Variants in MYO5C observed in about 807,000 individuals in gnomAD.
MYO5C encodes the protein unconventional myosin-Vc.
Under a neutral mutation model 235.7 loss-of-function variants are expected in MYO5C, and 194 were observed. That is an observed-to-expected ratio of 0.82 (90% CI 0.73 to 0.93). The LOEUF (loss-of-function observed/expected upper bound fraction) is 0.93. Ranked by LOEUF, MYO5C falls within the 40% of genes least tolerant of loss-of-function variation. The pLI is 0.00. For missense variants in MYO5C, 2,038 were observed against 2,127.2 expected (o/e 0.96, Z 0.82); for synonymous variants, 707 against 754.8 (o/e 0.94, Z 1.04).
chr15:52,253,327 T>G lies in MYO5C; in HGVS notation c.1526A>C (p.Glu509Ala). 6.2e-7 allele frequency: 1 copy of G among 1,606,560 alleles called. No individual in the cohort carries two copies. Among genetic ancestry groups the G allele is most frequent in the Non-Finnish European group, 8.5e-7 (1 of 1,177,626 alleles). ...AKMGILELLD[E>A]ECLLPHGTDE... ...ATTCTTAAAAGTTACCAAACATTCT[T>G]CATCCAGTAACTCCAGAATTCCCAT... The change falls in exon 12 of 41, where the codon GAA becomes GCA. Residue 509 changes from glutamate to alanine, a missense_variant. Glu to Ala is a moderately radical substitution (Grantham distance 107). Coordinates refer to ENST00000261839, the MANE Select transcript of MYO5C (RefSeq NM_018728.4).
intron 11 of MYO5C, 147 bp downstream of exon 11, chr15:52,256,492 C>G (rs1806163201): frequency 1.7e-6 from 1 of 594,532 alleles, no homozygotes; most frequent in African/African-American, 1.8e-5. Flanking sequence ...CAAGGTGGTG[C>G]AGTGACCCAG....
intron 38 of MYO5C, among the ~76,000 whole-genome samples, chr15:52,198,056 G>C (rs1258279441): frequency 2.0e-5 from 3 of 152,192 alleles, no homozygotes; most frequent in Non-Finnish European, 4.4e-5. Flanking sequence ...CTCTGGGCCA[G>C]GCATGGTGGC....
intron 5 of MYO5C, among the ~76,000 whole-genome samples, chr15:52,274,960 G>C (rs2037008607): frequency 6.6e-6 from 1 of 152,158 alleles, no homozygotes; most frequent in African/African-American, 2.4e-5. Context: ...TGGCTTGCAG[G>C]ACCCTCCTCT....
chr15:52,271,815 G>A lies in MYO5C; in HGVS notation c.780C>T (p.Phe260=). 6.3e-7 allele frequency: 1 copy of A among 1,586,674 alleles called. No homozygotes were observed. The highest frequency in any genetic ancestry group is 1.1e-5 in the South Asian group (1 of 87,608). ...QSENERNYHI[F]YQLCASAQQS... ...GCTGTGCAGATGCACAAAGCTGATA[G>A]AAAATGTGGTAATTTCGTTCATTTT... is the stretch of plus-strand genomic sequence containing the variant. Residue 260 remains phenylalanine, a synonymous_variant, in exon 7 of 41, where the codon TTC becomes TTT. Coordinates refer to ENST00000261839, the MANE Select transcript of MYO5C (RefSeq NM_018728.4).
chr15:52,202,411 C>G (rs2035209278), intron 38 of MYO5C, among the ~76,000 whole-genome samples: 1 of 152,078 alleles, frequency 6.6e-6, no homozygotes, highest in African/African-American at 2.4e-5. Context: ...CCACTTCCAC[C>G]TGGTGGAAGG....
chr15:52,208,060 G>A (rs1336706430), intron 36 of MYO5C, among the ~76,000 whole-genome samples: 2 of 152,182 alleles, frequency 1.3e-5, no homozygotes, highest in Admixed American at 1.3e-4. Context: ...GGAGAGCACT[G>A]AAAACCCTGA....
In MYO5C at chr15:52,192,926, G is replaced by T. The variant is rs887887352; in HGVS notation, c.*976C>A. The T allele has an allele frequency of 6.6e-6, 1 of 152,040 alleles. No individual in the cohort carries two copies. Among genetic ancestry groups the T allele is most frequent in the African/African-American group, 2.4e-5 (1 of 41,390 alleles). 9.4% of individuals were successfully genotyped at this position (152,040 alleles called of 1,614,324 possible). ...TGAAGTTCTTTCAGAGAAGATAAAC[G>T]GCATGGCAATTAAGCTTTAATAATA... On this transcript the variant is annotated 3_prime_UTR_variant, in exon 41 of 41. Transcript: ENST00000261839.
intron 1 of MYO5C, among the ~76,000 whole-genome samples, chr15:52,293,764 T>C (rs2037443943): frequency 6.6e-6 from 1 of 152,112 alleles, no homozygotes; most frequent in Non-Finnish European, 1.5e-5. Context: ...CCCCGGCCTC[T>C]CTCCTCCACA....
chr15:52,283,095 C>T lies in MYO5C; in HGVS notation c.28-203G>A, dbSNP rs149246936. On this transcript the variant is annotated intron_variant, in intron 1 of 40. Transcript: ENST00000261839. ...CTGCCTCAGTTTACAGGCAACAGAA[C>T]TCCCAAAGCCTCCTAGATAAACCTT... Among the ~76,000 whole-genome samples, 419 of 152,260 alleles carry T rather than the reference C, an allele frequency of 2.8e-3. 1 individual carries two copies. The highest frequency in any genetic ancestry group is 7.8e-3 in the African/African-American group (324 of 41,542).
At chr15:52,260,421 G>A (rs2036669506) in intron 10 of MYO5C, among the ~76,000 whole-genome samples, 1 of 152,196 alleles carries the variant, frequency 6.6e-6, no homozygotes, top group South Asian at 2.1e-4. Flanking sequence ...GGGACCTTGG[G>A]GCTCCACACC....
At chr15:52,291,248 T>G (rs943386472) in intron 1 of MYO5C, among the ~76,000 whole-genome samples, 2 of 152,194 alleles carry the variant, frequency 1.3e-5, no homozygotes, top group Non-Finnish European at 2.9e-5. Flanking sequence ...GTGTGAAAAT[T>G]CACCCAGAGG....
intron 1 of MYO5C, among the ~76,000 whole-genome samples, chr15:52,284,407 G>A (rs2037219991): frequency 6.9e-6 from 1 of 144,150 alleles, no homozygotes; most frequent in Non-Finnish European, 1.5e-5. Flanking sequence ...AGCATGCTGG[G>A]AAAAAATTCA....
At chr15:52,285,150 C>T (rs1306872317) in intron 1 of MYO5C, among the ~76,000 whole-genome samples, 1 of 152,122 alleles carries the variant, frequency 6.6e-6, no homozygotes, top group Non-Finnish European at 1.5e-5. Context: ...GGTGGATCAC[C>T]TGAGGTCAGG....
rs774002445 is a variant in MYO5C at position 52,218,539 on chromosome 15, G to A, written c.3934C>T (p.Arg1312Trp). 43 of 1,614,054 alleles carry A rather than the reference G, an allele frequency of 2.7e-5. No individual in the cohort carries two copies. Among genetic ancestry groups the A allele is most frequent in the South Asian group, 3.3e-5 (3 of 91,080 alleles). Residue 1312 changes from arginine to tryptophan, a missense_variant, in exon 32 of 41, where the codon CGG becomes TGG. Coordinates refer to ENST00000261839, the MANE Select transcript of MYO5C (RefSeq NM_018728.4). ...VKCNFRQEASRLTLENRDLEE... is the reference protein window; with the variant it reads ...VKCNFRQEASWLTLENRDLEE... ...CTCACCCTGTTTTCCAAAGTGAGCC[G>A]GGATGCTTCCTGCCGGAAGTTACAC... is the stretch of plus-strand genomic sequence containing the variant.
rs1211262582 is a variant in MYO5C, at chr15:52,248,813, A to T, written c.1663-30T>A. 2.1e-6 allele frequency: 3 copies of T among 1,458,530 alleles called. No individual in the cohort carries two copies. The South Asian group carries it at 3.5e-5, about 17-fold the overall frequency. 90.3% of individuals were successfully genotyped at this position (1,458,530 alleles called of 1,614,324 possible). A position where few individuals can be genotyped will look rare whatever the true frequency, so the allele number is the denominator to read the frequency against. On this transcript the variant is annotated intron_variant, in intron 13 of 40. Transcript: ENST00000261839. ...ACAGAGAAAGCAATTAATTATTCCC[A>T]AAGAGGCCAAAGAATATAGCCTCTA...
chr15:52,234,357 T>C (rs920892148), intron 23 of MYO5C, among the ~76,000 whole-genome samples: 2 of 152,214 alleles, frequency 1.3e-5, no homozygotes, highest in Non-Finnish European at 2.9e-5. Context: ...CATTGAAAGT[T>C]TTCATGGACT....
At chr15:52,219,510 A>G (rs2141283827) in intron 31 of MYO5C, among the ~76,000 whole-genome samples, 1 of 152,366 alleles carries the variant, frequency 6.6e-6, no homozygotes, top group East Asian at 1.9e-4. Flanking sequence ...TCAGTCACCA[A>G]GCCTGAAGGC....
chr15:52,282,841 T>C lies in MYO5C; in HGVS notation c.79A>G (p.Ile27Val), dbSNP rs114997740. ...DPEEVWKSAE[I>V]AKDYRVGDKV... The stretch of plus-strand genomic sequence containing the variant: ...TCACCAACTCTGTAGTCCTTGGCTA[T>C]TTCAGCAGACTTCCAAACTTCTTCA... The change falls in exon 2 of 41, where the codon ATA becomes GTA. Residue 27 changes from isoleucine to valine, a missense_variant. Physicochemically the swap from Ile to Val is conservative, Grantham distance 29. Coordinates refer to ENST00000261839, the MANE Select transcript of MYO5C (RefSeq NM_018728.4). 421 of 1,614,196 alleles carry C rather than the reference T, an allele frequency of 2.6e-4. 2 individuals carry two copies. The African/African-American group carries it at 5.3e-3, about 20-fold the overall frequency.
Position 52,245,986 on chromosome 15 carries a change from A to T in MYO5C, c.2036T>A (p.Ile679Asn), listed in dbSNP as rs939317594. ...AGGGTAGCTCTGTGCACTAATGCGA[A>T]TCGTTTCTAAAACGCCGCAGGCTCG... Reference protein sequence around the residue: ...QLRACGVLETIRISAQSYPSR... With the variant: ...QLRACGVLETNRISAQSYPSR... Residue 679 changes from isoleucine (I) to asparagine (N), a missense_variant, in exon 17 of 41, where the codon ATT (isoleucine) becomes AAT (asparagine). Transcript: ENST00000261839. 1 of 1,614,102 alleles carries T rather than the reference A, an allele frequency of 6.2e-7. No homozygotes were observed. Among genetic ancestry groups the T allele is most frequent in the Non-Finnish European group, 8.5e-7 (1 of 1,180,036 alleles).
Sources: allele counts gnomAD v4.1 joint callset (sites outside exome capture counted in the v4.1 genomes callset), GRCh38; gene constraint gnomAD v4.1.1; transcripts MANE v1.5; gene names NCBI Gene and HGNC (gene_info 2026-07-23, HGNC 2026-07-21).